Variants in ADAMTS20 observed in about 807,000 individuals in gnomAD.
ADAMTS20 encodes ADAM metallopeptidase with thrombospondin type 1 motif 20.
Under a neutral mutation model 260.1 loss-of-function variants are expected in ADAMTS20, and 225 were observed. The observed-to-expected ratio is 0.87, with a 90% CI of 0.78 to 0.97. ADAMTS20 has a LOEUF of 0.97. Ranked by LOEUF, ADAMTS20 falls within the 50% of genes least tolerant of loss-of-function variation. The pLI is 0.00. For missense variants in ADAMTS20, 2,400 were observed against 2,337.7 expected (o/e 1.03, Z -0.55); for synonymous variants, 802 against 769.5 (o/e 1.04, Z -0.70).
chr12:43,494,075 C>A (rs561383129), intron 4 of ADAMTS20, among the ~76,000 whole-genome samples: 1 of 152,174 alleles, frequency 6.6e-6, no homozygotes. Context: ...TGGCCAATGC[C>A]TCTGCCTGGT....
Position 43,377,564 on chromosome 12 carries a change from T to A in ADAMTS20, c.4798-2A>T. On this transcript the variant is annotated splice_acceptor_variant, in intron 31 of 38. Transcript: ENST00000389420. LOFTEE classifies it high-confidence loss of function. ...ACTAAATCCACAGTTGTTTGCACAC[T>A]GAAAAATACATAATTACAAGAAAGA... The A allele has an allele frequency of 6.2e-7, 1 of 1,601,402 alleles. No individual in the cohort carries two copies. The highest frequency in any genetic ancestry group is 8.5e-7 in the Non-Finnish European group (1 of 1,172,206).
chr12:43,452,156 T>G, intron 14 of ADAMTS20, 118 bp downstream of exon 14: 1 of 1,092,008 alleles, frequency 9.2e-7, no homozygotes. Context: ...GGTTGCTTTG[T>G]TGGAATGCAT....
chr12:43,519,602 G>A (rs1300758193), intron 3 of ADAMTS20, among the ~76,000 whole-genome samples: 5 of 152,114 alleles, frequency 3.3e-5, no homozygotes, highest in South Asian at 2.1e-4. Flanking sequence ...ATATTCTAAC[G>A]TGGAGCATGA....
chr12:43,545,558 A>C (rs561781404), intron 2 of ADAMTS20, among the ~76,000 whole-genome samples: 1 of 152,272 alleles, frequency 6.6e-6, no homozygotes, highest in Admixed American at 6.5e-5. Flanking sequence ...TACTTTAGCA[A>C]GGGCACTTTG....
chr12:43,428,647 C>T lies in ADAMTS20; in HGVS notation c.3642G>A (p.Gly1214=), dbSNP rs761903702. 17 of 1,583,226 alleles carry T rather than the reference C, an allele frequency of 1.1e-5. No individual in the cohort carries two copies. Among genetic ancestry groups the T allele is most frequent in the Admixed American group, 6.9e-5 (4 of 58,154 alleles). Residue 1214 remains glycine (G), a synonymous_variant, in exon 25 of 39, where the codon GGG becomes GGA. Coordinates refer to ENST00000389420, the MANE Select transcript of ADAMTS20 (RefSeq NM_025003.5). The part of the protein sequence containing the change: ...CFTPCGEWQA[G]DWSPCSASCG... ...TAAGAATACTTACGGGTGACCAATCCCCTGCTTGCCACTCTCCACAAGGGG... is the reference window on the plus strand; with the variant it reads ...TAAGAATACTTACGGGTGACCAATCTCCTGCTTGCCACTCTCCACAAGGGG...
chr12:43,477,613 T>A (rs1202271663), intron 7 of ADAMTS20, among the ~76,000 whole-genome samples: 1 of 152,202 alleles, frequency 6.6e-6, no homozygotes, highest in Non-Finnish European at 1.5e-5. Flanking sequence ...CTCAGTGATT[T>A]AGCACACATA....
At chr12:43,528,409 A>T (rs1943176106) in intron 3 of ADAMTS20, among the ~76,000 whole-genome samples, 1 of 148,878 alleles carries the variant, frequency 6.7e-6, no homozygotes, top group Admixed American at 6.9e-5. Flanking sequence ...CCAACTTCCA[A>T]TTATACTACA....
rs146921862 is a variant in ADAMTS20 at position 43,526,183 on chromosome 12, G to A, written c.613+5853C>T. ...AATAGGAATGATATCGGCCAGGCGC[G>A]CAGTGGCTCACGCCTGTAATCCAGC... is the stretch of plus-strand genomic sequence containing the variant. On this transcript the variant is annotated intron_variant, in intron 3 of 38. Coordinates refer to ENST00000389420, the MANE Select transcript of ADAMTS20 (RefSeq NM_025003.5). 1.4e-4 allele frequency among the ~76,000 whole-genome samples: 22 copies of A among 152,334 alleles called. No homozygotes were observed. The East Asian group carries it at 2.5e-3, about 17-fold the overall frequency.
chr12:43,445,745 G>A (rs140747068), intron 15 of ADAMTS20, among the ~76,000 whole-genome samples: 201 of 152,074 alleles, frequency 1.3e-3, no homozygotes, highest in African/African-American at 4.6e-3. Flanking sequence ...CTAGGTACTG[G>A]GGATGAGGAG....
intron 28 of ADAMTS20, among the ~76,000 whole-genome samples, chr12:43,416,775 G>A (rs11182057): frequency 0.32 from 48,362 of 151,568 alleles, 8,311 homozygotes; most frequent in East Asian, 0.75. Flanking sequence ...GACCGCCTCG[G>A]CCTCCCAAAG....
chr12:43,484,536 T>C (rs1942492809), intron 7 of ADAMTS20, among the ~76,000 whole-genome samples: 1 of 152,058 alleles, frequency 6.6e-6, no homozygotes, highest in African/African-American at 2.4e-5. Context: ...GAAAATGCAG[T>C]GCAAATTTTA....
At chr12:43,512,963 T>A (rs1372132875) in intron 3 of ADAMTS20, among the ~76,000 whole-genome samples, 1 of 152,222 alleles carries the variant, frequency 6.6e-6, no homozygotes, top group Non-Finnish European at 1.5e-5. Flanking sequence ...TGTTGATTCC[T>A]AGAAGACTAA....
chr12:43,424,049 A>T, intron 28 of ADAMTS20: 1 of 600,730 alleles, frequency 1.7e-6, no homozygotes, highest in African/African-American at 1.9e-5. Context: ...TTGGGTTTAT[A>T]TCTTATTATA....
chr12:43,518,626 C>A (rs79911020), intron 3 of ADAMTS20, among the ~76,000 whole-genome samples: 1 of 151,992 alleles, frequency 6.6e-6, no homozygotes, highest in Admixed American at 6.6e-5. Context: ...ATTCTTATCT[C>A]AAGCCTAAAC....
At chr12:43,449,402 C>T (rs769219089) in intron 14 of ADAMTS20, among the ~76,000 whole-genome samples, 3 of 152,086 alleles carry the variant, frequency 2.0e-5, no homozygotes, top group African/African-American at 4.8e-5. Context: ...CCAAATATTA[C>T]ACGTTCTCAC....
rs926251534 is a variant in ADAMTS20, at chr12:43,535,696, T to G, written c.454-3501A>C. On this transcript the variant is annotated intron_variant, in intron 2 of 38. Transcript: ENST00000389420. ...TGCTAATAAAAGATACATAACTTTT[T>G]TTAATATCTTGATAACTATATTTCA... 2.6e-5 allele frequency among the ~76,000 whole-genome samples: 4 copies of G among 152,226 alleles called. No individual in the cohort carries two copies. In the East Asian group the frequency reaches 7.7e-4, roughly 29 times the overall value.
intron 28 of ADAMTS20, among the ~76,000 whole-genome samples, chr12:43,409,687 T>A (rs1281222965): frequency 1.3e-5 from 2 of 150,820 alleles, no homozygotes; most frequent in Non-Finnish European, 1.5e-5. Flanking sequence ...AAGAGTTTTT[T>A]AAAAAATGGT....
chr12:43,538,221 G>A (rs1943324257), intron 2 of ADAMTS20, among the ~76,000 whole-genome samples: 2 of 152,204 alleles, frequency 1.3e-5, no homozygotes, highest in Non-Finnish European at 2.9e-5. Flanking sequence ...TCACTGGGGT[G>A]AGATGATATC....
chr12:43,546,294 T>C (rs1008155909), intron 2 of ADAMTS20, among the ~76,000 whole-genome samples: 6 of 152,150 alleles, frequency 3.9e-5, no homozygotes, highest in Admixed American at 1.3e-4. Flanking sequence ...CACACAGCCA[T>C]GACAAGCTCT....
Sources: gnomAD v4.1 joint callset for allele counts (sites outside exome capture counted in the v4.1 genomes callset) on GRCh38, gnomAD v4.1.1 for gene constraint, MANE v1.5 for transcripts, NCBI Gene and HGNC (gene_info 2026-07-23, HGNC 2026-07-21) for gene names.